Variants in ZNF429 observed in about 807,000 individuals in gnomAD.
The protein encoded by ZNF429 is zinc finger protein 429.
Under a neutral mutation model 56.8 loss-of-function variants are expected in ZNF429, and 53 were observed. The ratio of observed to expected loss-of-function variants is 0.93; its 90% CI spans 0.75 to 1.17. The LOEUF is 1.17. ZNF429 is among the 50% of genes most tolerant of loss of function. The pLI is 0.00. For missense variants in ZNF429, 849 were observed against 788.4 expected, an observed-to-expected ratio of 1.08 and a Z score of -0.92; for synonymous variants, 278 against 264.7, an observed-to-expected ratio of 1.05 and a Z score of -0.49.
At chr19:21,530,750 C>A in intron 3 of ZNF429, 66 bp downstream of exon 3, 2 of 1,156,608 alleles carry the variant, frequency 1.7e-6, no homozygotes, top group East Asian at 2.5e-5. Flanking sequence ...GAAAGCCAGT[C>A]CTTAACAATG....
chr19:21,534,792 GTT>G lies in ZNF429; in HGVS notation c.227-1476_227-1475del. ...TTTCAGCTGGAAAGTTGTTTTTTGT[GTT>G]TTTTTTTTTTTGTTCGTTTGTTTGT... is the stretch of plus-strand genomic sequence containing the variant. On this transcript the variant is annotated intron_variant, in intron 3 of 3. Coordinates refer to ENST00000358491, the MANE Select transcript of ZNF429 (RefSeq NM_001001415.4). Among the ~76,000 whole-genome samples the G allele has an allele frequency of 2.5e-3, 357 of 143,754 alleles. 4 individuals carry two copies. The highest frequency in any genetic ancestry group is 1.9e-3 in the African/African-American group (74 of 39,164). 94.3% of individuals were successfully genotyped at this position (143,754 alleles called of 152,430 possible). A position where few individuals can be genotyped will look rare whatever the true frequency, so the allele number is the denominator to read the frequency against.
Position 21,507,159 on chromosome 19 carries a change from A to C in ZNF429, c.3+1385A>C, listed in dbSNP as rs914793456. ...TAACTATTTTCACTCCCTACACAAA[A>C]CTGATCTTCCCCTGCATTTTTCACA... is the stretch of plus-strand genomic sequence containing the variant. On this transcript the variant is annotated intron_variant, in intron 1 of 3. Transcript: ENST00000358491. 1.5e-4 allele frequency among the ~76,000 whole-genome samples: 23 copies of C among 151,982 alleles called. 1 individual carries two copies. The highest frequency in any genetic ancestry group is 2.0e-4 in the Admixed American group (3 of 15,248).
intron 3 of ZNF429, among the ~76,000 whole-genome samples, chr19:21,535,296 C>CTTCT: frequency 0.12 from 10,272 of 82,956 alleles, 1,897 homozygotes; most frequent in South Asian, 0.25. Flanking sequence ...CATTTCTTTC[C>CTTCT]TTCTTTCTTT....
At chr19:21,530,947 A>G in intron 3 of ZNF429, among the ~76,000 whole-genome samples, 1 of 151,868 alleles carries the variant, frequency 6.6e-6, no homozygotes, top group Admixed American at 6.6e-5. Flanking sequence ...CTCTACTAAC[A>G]GTACAAAAGT....
chr19:21,529,902 T>A, intron 2 of ZNF429, 118 bp downstream of exon 2: 2 of 765,554 alleles, frequency 2.6e-6, no homozygotes, highest in Non-Finnish European at 3.7e-6. Context: ...TTCCTGCTTT[T>A]AAGAAAAGTT....
At chr19:21,511,943 G>A (rs1054793436) in intron 1 of ZNF429, among the ~76,000 whole-genome samples, 5 of 152,130 alleles carry the variant, frequency 3.3e-5, no homozygotes, top group African/African-American at 4.8e-5. Context: ...CAGGCGTGGC[G>A]GTGCGCGCCT....
intron 1 of ZNF429, chr19:21,529,447 A>G: frequency 2.2e-6 from 2 of 907,750 alleles, no homozygotes; most frequent in Non-Finnish European, 2.6e-6. Context: ...ATCTTATGCC[A>G]CTATTTTCTC....
chr19:21,531,556 C>T, intron 3 of ZNF429, among the ~76,000 whole-genome samples: 5 of 152,100 alleles, frequency 3.3e-5, no homozygotes, highest in East Asian at 3.9e-4. Context: ...ATAATCCCAG[C>T]ACTTCAGGAG....
intron 1 of ZNF429, among the ~76,000 whole-genome samples, chr19:21,519,251 C>G (rs1450331769): frequency 6.6e-6 from 1 of 152,204 alleles, no homozygotes; most frequent in Non-Finnish European, 1.5e-5. Context: ...GAAGCCAGGG[C>G]TGGAAAGAAT....
In ZNF429 at chr19:21,515,721, A is replaced by C. The variant is rs1387647547; in HGVS notation, c.3+9947A>C. 3.3e-5 allele frequency among the ~76,000 whole-genome samples: 5 copies of C among 152,106 alleles called. No homozygotes were observed. In the East Asian group the frequency reaches 9.6e-4, roughly 29 times the overall value. ...AATGGTATTTCCTAGGTCATCTTCC[A>C]GTATTTTTTAAGTCTTTACTTAATC... On this transcript the variant is annotated intron_variant, in intron 1 of 3. Coordinates refer to ENST00000358491, the MANE Select transcript of ZNF429 (RefSeq NM_001001415.4).
chr19:21,518,091 T>G (rs1219727739), intron 1 of ZNF429, among the ~76,000 whole-genome samples: 3 of 152,218 alleles, frequency 2.0e-5, no homozygotes, highest in Non-Finnish European at 4.4e-5. Flanking sequence ...ATTGTGTTTA[T>G]TTGAATCTTC....
At chr19:21,522,572 C>A (rs1173533061) in intron 1 of ZNF429, among the ~76,000 whole-genome samples, 1 of 152,136 alleles carries the variant, frequency 6.6e-6, no homozygotes, top group Non-Finnish European at 1.5e-5. Flanking sequence ...CTAGAGGGTA[C>A]TTTTCCTCTC....
rs1452438899 is a variant in ZNF429, at chr19:21,506,809, G to A, written c.3+1035G>A. Among the ~76,000 whole-genome samples the A allele has an allele frequency of 3.0e-4, 27 of 90,072 alleles. No homozygotes were observed. In the Admixed American group the frequency reaches 4.5e-3, roughly 15 times the overall value. 59.1% of individuals were successfully genotyped at this position (90,072 alleles called of 152,430 possible). A position where few individuals can be genotyped will look rare whatever the true frequency, so the allele number is the denominator to read the frequency against. Reference sequence around the variant, plus strand: ...TTTGAGATGGAGTTTCCCTCTTCTTGCCCAATCTGGACTGCAGTGGCGCGA... The same window carrying A: ...TTTGAGATGGAGTTTCCCTCTTCTTACCCAATCTGGACTGCAGTGGCGCGA... On this transcript the variant is annotated intron_variant, in intron 1 of 3. Coordinates refer to ENST00000358491, the MANE Select transcript of ZNF429 (RefSeq NM_001001415.4).
intron 3 of ZNF429, among the ~76,000 whole-genome samples, chr19:21,532,299 C>T: frequency 6.6e-6 from 1 of 151,328 alleles, no homozygotes; most frequent in African/African-American, 2.4e-5. Context: ...CTACAATAAA[C>T]TTTGACTAGC....
At chr19:21,513,633 G>C (rs987436206) in intron 1 of ZNF429, among the ~76,000 whole-genome samples, 2 of 152,156 alleles carry the variant, frequency 1.3e-5, no homozygotes, top group African/African-American at 4.8e-5. Flanking sequence ...CAGATTTGGT[G>C]CCAGAAGAAA....
At position 21,505,805 on chromosome 19, in the gene ZNF429, A is replaced by G. The variant is rs771101076; in HGVS notation, c.3+31A>G. ...AGTGCCGAGTCTGACATCCCCAGAG[A>G]GGGGGAGGGGCTGGTCGGAACCGTG... On this transcript the variant is annotated intron_variant, in intron 1 of 3. Transcript: ENST00000358491. 4 of 1,606,686 alleles carry G rather than the reference A, an allele frequency of 2.5e-6. No individual in the cohort carries two copies. In the African/African-American group the frequency reaches 4.0e-5, roughly 16 times the overall value.
In ZNF429 at chr19:21,537,290, A is replaced by T; in HGVS notation, c.1237A>T (p.Thr413Ser). ...AGTTTTTACCTGTTCCTCAACACTT[A>T]CTCAAGACAAGAAAATTCATACTGG... ...GRVFTCSSTL[T>S]QDKKIHTGEK... The change falls in exon 4 of 4, where the codon ACT (threonine) becomes TCT (serine). Residue 413 changes from threonine to serine, a missense_variant. By Grantham distance (58) the Thr-to-Ser change is moderately conservative. Transcript: ENST00000358491. The T allele has an allele frequency of 1.2e-6, 2 of 1,613,780 alleles. No individual in the cohort carries two copies. The highest frequency in any genetic ancestry group is 2.7e-5 in the African/African-American group (2 of 75,026).
At position 21,537,597 on chromosome 19, in the gene ZNF429, G is replaced by A; in HGVS notation, c.1544G>A (p.Gly515Asp). 6.2e-7 allele frequency: 1 copy of A among 1,613,112 alleles called. No homozygotes were observed. Among genetic ancestry groups the A allele is most frequent in the Middle Eastern group, 1.7e-4 (1 of 6,054 alleles). Residue 515 changes from glycine (G) to aspartate (D), a missense_variant, in exon 4 of 4, where the codon GGC (glycine) becomes GAC (aspartate). Gly to Asp is a moderately conservative substitution (Grantham distance 94). Coordinates refer to ENST00000358491, the MANE Select transcript of ZNF429 (RefSeq NM_001001415.4). ...GEKPYKCEEC[G>D]KAFILSSRLT... is the part of the protein sequence containing the mutation. ...AAACCCTACAAATGTGAAGAATGTGGCAAAGCTTTTATCCTGTCCTCAAGA... is the reference window on the plus strand; with the variant it reads ...AAACCCTACAAATGTGAAGAATGTGACAAAGCTTTTATCCTGTCCTCAAGA...
chr19:21,533,074 A>G, intron 3 of ZNF429, among the ~76,000 whole-genome samples: 6 of 152,098 alleles, frequency 3.9e-5, no homozygotes, highest in Non-Finnish European at 7.4e-5. Context: ...GTTTTCCACA[A>G]TGAACATGGG....
Sources: gnomAD v4.1 joint callset for allele counts (sites outside exome capture counted in the v4.1 genomes callset) on GRCh38, gnomAD v4.1.1 for gene constraint, MANE v1.5 for transcripts, NCBI Gene and HGNC (gene_info 2026-07-23, HGNC 2026-07-21) for gene names.